The following ESPNL variants were observed in gnomAD, a reference collection of about 807,000 sequenced individuals.
ESPNL encodes the protein espin-like protein.
In ESPNL, 49 loss-of-function variants were observed where a neutral mutation model predicts 46.8. That is an observed-to-expected ratio of 1.05 (90% CI 0.83 to 1.33). ESPNL has a LOEUF of 1.33. Among genes scored for constraint, ESPNL ranks in the 40% most tolerant of loss-of-function variants. ESPNL has a pLI of 0.00. For missense variants in ESPNL, 1,540 were observed against 1,436.6 expected, an observed-to-expected ratio of 1.07 and a Z score of -1.16; for synonymous variants, 664 against 662.1, an observed-to-expected ratio of 1.00 and a Z score of -0.04.
chr2:238,108,558 A>G (rs7577089), intron 4 of ESPNL, among the ~76,000 whole-genome samples: 4,423 of 152,210 alleles, frequency 0.029, 188 homozygotes, highest in East Asian at 0.12. Context: ...GAATGCACAC[A>G]GTTTACTTCT....
intron 8 of ESPNL, 85 bp downstream of exon 8, chr2:238,128,989 C>A: frequency 6.8e-7 from 1 of 1,475,396 alleles, no homozygotes; most frequent in Non-Finnish European, 9.0e-7. Flanking sequence ...CGCCCGAAGC[C>A]CAGAACTGAA....
At chr2:238,126,603 G>A (rs1436037719) in intron 6 of ESPNL, among the ~76,000 whole-genome samples, 2 of 150,734 alleles carry the variant, frequency 1.3e-5, no homozygotes, top group East Asian at 2.0e-4. Context: ...GTGTATCTGT[G>A]TGTGATTGTG....
chr2:238,109,349 G>A lies in ESPNL; in HGVS notation c.855+1376G>A, dbSNP rs148199573. Among the ~76,000 whole-genome samples, 298 of 152,308 alleles carry A rather than the reference G, an allele frequency of 2.0e-3. 1 individual carries two copies. Among genetic ancestry groups the A allele is most frequent in the African/African-American group, 6.8e-3 (281 of 41,572 alleles). On this transcript the variant is annotated intron_variant, in intron 4 of 8. Transcript: ENST00000343063. ...CCTCTGTAAAAAGAAAATTACTCAA[G>A]CCTCAAAACAGAGACTTCTTCCCTT...
rs147178921 is a variant in ESPNL, at chr2:238,123,571, G to A, written c.988-1699G>A. On this transcript the variant is annotated intron_variant, in intron 5 of 8. Coordinates refer to ENST00000343063, the MANE Select transcript of ESPNL (RefSeq NM_194312.4). ...TGCTCTGTGGACAGTTAAAGGTTCC[G>A]TGGTAACAGATCCCACACCCGGCCC... Among the ~76,000 whole-genome samples the A allele has an allele frequency of 4.0e-3, 608 of 152,214 alleles. 3 individuals carry two copies. The highest frequency in any genetic ancestry group is 0.013 in the African/African-American group (559 of 41,526).
At position 238,131,443 on chromosome 2, in the gene ESPNL, C is replaced by G; in HGVS notation, c.2729C>G (p.Ala910Gly). ...FHKAVTDEVAAGRRAWTDGFE... is the reference protein window; with the variant it reads ...FHKAVTDEVAGGRRAWTDGFE... The stretch of plus-strand genomic sequence containing the variant: ...AAGGCCGTGACCGACGAGGTGGCCG[C>G]CGGCCGCCGGGCCTGGACCGACGGC... The change falls in exon 9 of 9, where the codon GCC becomes GGC. Residue 910 changes from alanine to glycine, a missense_variant. Physicochemically the swap from Ala to Gly is moderately conservative, Grantham distance 60. Coordinates refer to ENST00000343063, the MANE Select transcript of ESPNL (RefSeq NM_194312.4). 6.2e-7 allele frequency: 1 copy of G among 1,609,382 alleles called. No individual in the cohort carries two copies. Among genetic ancestry groups the G allele is most frequent in the Non-Finnish European group, 8.5e-7 (1 of 1,178,194 alleles).
chr2:238,129,598 G>C (rs1321225673), intron 8 of ESPNL, among the ~76,000 whole-genome samples: 1 of 152,184 alleles, frequency 6.6e-6, no homozygotes, highest in Non-Finnish European at 1.5e-5. Flanking sequence ...ATTTTAACAG[G>C]CTCCCCGGGC....
intron 6 of ESPNL, among the ~76,000 whole-genome samples, chr2:238,126,694 GTC>G (rs1692129096): frequency 6.6e-6 from 1 of 151,440 alleles, no homozygotes; most frequent in Admixed American, 6.6e-5. Context: ...ATGTGATTGT[GTC>G]TGTGTATGCT....
intron 3 of ESPNL, among the ~76,000 whole-genome samples, chr2:238,105,504 C>T (rs1171297141): frequency 1.6e-5 from 2 of 124,828 alleles, no homozygotes; most frequent in Non-Finnish European, 3.4e-5. Flanking sequence ...CAAAGTGAGA[C>T]TCTGTCTCAA....
chr2:238,127,562 C>T, intron 6 of ESPNL, 60 bp from the exon 7 acceptor site: 1 of 1,512,786 alleles, frequency 6.6e-7, no homozygotes, highest in Non-Finnish European at 8.9e-7. Context: ...ATCCCCGAGG[C>T]TCTGGGTCTC....
At position 238,114,993 on chromosome 2, in the gene ESPNL, G is replaced by T. The variant is rs1259902159; in HGVS notation, c.856-1910G>T. 6.6e-6 allele frequency among the ~76,000 whole-genome samples: 1 copy of T among 152,214 alleles called. No homozygotes were observed. The highest frequency in any genetic ancestry group is 2.4e-5 in the African/African-American group (1 of 41,454). Reference sequence around the variant, plus strand: ...CCAGTCTGCAGCTTAGAGGCGCAGGGTCATCATCCTCAGGCAGTGACAAGC... The same window carrying T: ...CCAGTCTGCAGCTTAGAGGCGCAGGTTCATCATCCTCAGGCAGTGACAAGC... On this transcript the variant is annotated intron_variant, in intron 4 of 8. Coordinates refer to ENST00000343063, the MANE Select transcript of ESPNL (RefSeq NM_194312.4). This position sits in a 1 kb window ranked among gnomAD's most constrained non-coding sequence, Gnocchi z 5.0.
intron 4 of ESPNL, among the ~76,000 whole-genome samples, chr2:238,116,040 A>G (rs1039082954): frequency 1.3e-5 from 2 of 152,242 alleles, no homozygotes; most frequent in Non-Finnish European, 2.9e-5. Flanking sequence ...CAGCTGGTCT[A>G]TCTCAGAGAT....
intron 5 of ESPNL, among the ~76,000 whole-genome samples, chr2:238,123,818 G>T (rs911791831): frequency 3.3e-5 from 5 of 152,194 alleles, no homozygotes; most frequent in Admixed American, 2.6e-4. Context: ...CCTGGAAGGA[G>T]TGAGGTGCGT....
At chr2:238,102,616 G>A (rs1425187351) in intron 2 of ESPNL, among the ~76,000 whole-genome samples, 1 of 152,158 alleles carries the variant, frequency 6.6e-6, no homozygotes, top group African/African-American at 2.4e-5. Context: ...CCGGGCGCTG[G>A]CCTCATCGTC....
Position 238,131,000 on chromosome 2 carries a change from C to G in ESPNL, c.2286C>G (p.Ala762=), listed in dbSNP as rs908288312. Reference sequence around the variant, plus strand: ...ACACGCCGGCCCTCAAGACAGTGGCCTGCAGGACCCTAGGAGCCCGCCACG... The same window carrying G: ...ACACGCCGGCCCTCAAGACAGTGGCGTGCAGGACCCTAGGAGCCCGCCACG... The part of the protein sequence containing the change: ...SAYTPALKTV[A]CRTLGARHAG... Residue 762 remains alanine (A), a synonymous_variant, in exon 9 of 9, where the codon GCC becomes GCG. Transcript: ENST00000343063. The G allele has an allele frequency of 1.6e-5, 25 of 1,544,382 alleles. No individual in the cohort carries two copies. Among genetic ancestry groups the G allele is most frequent in the Admixed American group, 2.0e-5 (1 of 51,004 alleles).
In ESPNL at chr2:238,102,078, T is replaced by C. The variant is rs36066915; in HGVS notation, c.432T>C (p.Ala144=). 0.64 allele frequency: 1,016,482 copies of C among 1,580,540 alleles called. 328,838 individuals are homozygous for C. The highest frequency in any genetic ancestry group is 0.66 in the Non-Finnish European group (769,551 of 1,165,442). Residue 144 remains alanine (A), a synonymous_variant, in exon 2 of 9, where the codon GCT becomes GCC. Transcript: ENST00000343063. ...AGGGAGCCCGGCCGCTGCACCACGC[T>C]GCCGTCAGTGGGGACCTGACCTGCC... The part of the protein sequence containing the change: ...TREGARPLHH[A]AVSGDLTCLK...
chr2:238,130,418 C>G lies in ESPNL; in HGVS notation c.1704C>G (p.Ile568Met). The change falls in exon 9 of 9, where the codon ATC becomes ATG. Residue 568 changes from isoleucine (I) to methionine (M), a missense_variant. Transcript: ENST00000343063. ...APGLEVEEASIPAAEPAGSAE... is the reference protein window; with the variant it reads ...APGLEVEEASMPAAEPAGSAE... ...GACTGGAGGTTGAGGAGGCCTCAAT[C>G]CCAGCGGCTGAGCCCGCAGGGTCTG... 2 of 1,608,714 alleles carry G rather than the reference C, an allele frequency of 1.2e-6. No homozygotes were observed. Among genetic ancestry groups the G allele is most frequent in the African/African-American group, 2.7e-5 (2 of 75,020 alleles).
At chr2:238,130,014 G>A (rs1032072786) in intron 8 of ESPNL, 114 bp from the exon 9 acceptor site, 78 of 1,203,506 alleles carry the variant, frequency 6.5e-5, no homozygotes, top group Admixed American at 2.4e-4. Context: ...GTCTTACCTT[G>A]GGGCAGGACC....
At chr2:238,106,051 C>G (rs1438969654) in intron 3 of ESPNL, among the ~76,000 whole-genome samples, 1 of 152,200 alleles carries the variant, frequency 6.6e-6, no homozygotes, top group Non-Finnish European at 1.5e-5. Context: ...ACCATCCTCA[C>G]TCCTGCTTTC....
At chr2:238,119,594 ATGGAGGAGGGGAGC>A (rs1491456792) in intron 5 of ESPNL, among the ~76,000 whole-genome samples, 1 of 150,226 alleles carries the variant, frequency 6.7e-6, no homozygotes, top group South Asian at 2.1e-4. Context: ...GAGGAGGTGG[ATGGAGGAGGGGAGC>A]TGGAGGAGGG....
Sources: allele counts gnomAD v4.1 joint callset (sites outside exome capture counted in the v4.1 genomes callset), GRCh38; gene constraint gnomAD v4.1.1; non-coding constraint Gnocchi (gnomAD v3.1); transcripts MANE v1.5; gene names NCBI Gene and HGNC (gene_info 2026-07-23, HGNC 2026-07-21).